CORIN: variants seen among roughly 807,000 people sequenced by gnomAD.
CORIN encodes the protein corin, serine peptidase.
Under a neutral mutation model 125.3 loss-of-function variants are expected in CORIN, and 117 were observed. The ratio of observed to expected loss-of-function variants is 0.93; its 90% CI spans 0.80 to 1.09. CORIN has a LOEUF of 1.09. CORIN is among the 50% of genes least tolerant of loss of function. CORIN has a pLI of 0.00. For synonymous variants in CORIN, 450 were observed against 466.4 expected, an observed-to-expected ratio of 0.96 and a Z score of 0.45; for missense variants, 1,253 against 1,306.7, an observed-to-expected ratio of 0.96 and a Z score of 0.63.
At chr4:47,627,282 C>T (rs1722618352) in intron 16 of CORIN, among the ~76,000 whole-genome samples, 1 of 152,120 alleles carries the variant, frequency 6.6e-6, no homozygotes, top group Admixed American at 6.6e-5. Context: ...GGCACCTGGC[C>T]TCATCTGATT....
At chr4:47,686,195 GT>G (rs1183014120) in intron 6 of CORIN, among the ~76,000 whole-genome samples, 1 of 151,320 alleles carries the variant, frequency 6.6e-6, no homozygotes, top group Non-Finnish European at 1.5e-5. Flanking sequence ...ACAACTTAAA[GT>G]TTTTAGAATC....
At chr4:47,617,171 A>G (rs1404132467) in intron 19 of CORIN, among the ~76,000 whole-genome samples, 4 of 152,226 alleles carry the variant, frequency 2.6e-5, no homozygotes, top group Non-Finnish European at 5.9e-5. Context: ...TCACAATCAG[A>G]GTAGAAAAGT....
chr4:47,698,702 A>G (rs1350740060), intron 5 of CORIN, among the ~76,000 whole-genome samples: 2 of 152,128 alleles, frequency 1.3e-5, no homozygotes, highest in Non-Finnish European at 2.9e-5. Context: ...GAGTCTATTT[A>G]TTGAGTAGCT....
At chr4:47,755,127 G>A (rs1304528745) in intron 4 of CORIN, among the ~76,000 whole-genome samples, 1 of 152,116 alleles carries the variant, frequency 6.6e-6, no homozygotes, top group East Asian at 1.9e-4. Context: ...GTTCTCATCA[G>A]TCAGTTTAAA....
At chr4:47,775,283 T>C (rs1307300044) in intron 3 of CORIN, among the ~76,000 whole-genome samples, 1 of 152,136 alleles carries the variant, frequency 6.6e-6, no homozygotes, top group East Asian at 1.9e-4. Context: ...GTTTTTTACC[T>C]ATGTATACAT....
intron 2 of CORIN, among the ~76,000 whole-genome samples, chr4:47,805,817 A>C (rs1731769434): frequency 1.3e-5 from 2 of 152,232 alleles, no homozygotes; most frequent in Non-Finnish European, 2.9e-5. Context: ...TAAGAAAATA[A>C]TAGGGAGGTT....
At chr4:47,824,522 A>G (rs139950651) in intron 1 of CORIN, among the ~76,000 whole-genome samples, 10 of 152,222 alleles carry the variant, frequency 6.6e-5, no homozygotes, top group Non-Finnish European at 1.0e-4. Context: ...GAGTCTCAGT[A>G]TGTTGCCCAG....
intron 4 of CORIN, among the ~76,000 whole-genome samples, chr4:47,746,283 T>A (rs1431810174): frequency 6.6e-6 from 1 of 152,224 alleles, no homozygotes; most frequent in Non-Finnish European, 1.5e-5. Context: ...TGCCAGGCAC[T>A]GTTCTTAGTA....
intron 15 of CORIN, 186 bp downstream of exon 15, chr4:47,642,960 C>T (rs1407383525): frequency 6.5e-7 from 1 of 1,535,752 alleles, no homozygotes; most frequent in Non-Finnish European, 8.7e-7. Flanking sequence ...AGAGAAGTAG[C>T]TTCGTGGGGA....
At chr4:47,613,918 C>T (rs1003802364) in intron 19 of CORIN, among the ~76,000 whole-genome samples, 1 of 151,496 alleles carries the variant, frequency 6.6e-6, no homozygotes, top group Non-Finnish European at 1.5e-5. Context: ...CGTAACTAAC[C>T]TGCACAATGT....
chr4:47,602,902 T>C (rs1721499607), intron 20 of CORIN, among the ~76,000 whole-genome samples: 1 of 152,120 alleles, frequency 6.6e-6, no homozygotes, highest in African/African-American at 2.4e-5. Flanking sequence ...GGTCTCATTC[T>C]GTTACCCAGG....
intron 8 of CORIN, among the ~76,000 whole-genome samples, chr4:47,678,993 A>G (rs974596310): frequency 6.6e-6 from 1 of 152,258 alleles, no homozygotes; most frequent in African/African-American, 2.4e-5. Flanking sequence ...TCTTATGTCA[A>G]AATAAAAACT....
At chr4:47,629,199 A>G (rs1722707854) in intron 16 of CORIN, among the ~76,000 whole-genome samples, 1 of 152,068 alleles carries the variant, frequency 6.6e-6, no homozygotes, top group African/African-American at 2.4e-5. Context: ...TCTCCCCAAC[A>G]TTTTTTATGT....
chr4:47,699,535 A>G (rs947355392), intron 5 of CORIN, among the ~76,000 whole-genome samples: 2 of 152,230 alleles, frequency 1.3e-5, no homozygotes, highest in African/African-American at 4.8e-5. Flanking sequence ...AAGGCATTTT[A>G]TCAGTTTTTC....
intron 5 of CORIN, among the ~76,000 whole-genome samples, chr4:47,735,422 T>G (rs1728081213): frequency 6.6e-6 from 1 of 152,208 alleles, no homozygotes; most frequent in Non-Finnish European, 1.5e-5. Flanking sequence ...TAAAAAAGAT[T>G]ATCTGACAAG....
chr4:47,643,352 A>T (rs1027222238), intron 14 of CORIN, 96 bp from the exon 15 acceptor site: 2 of 1,145,834 alleles, frequency 1.7e-6, no homozygotes, highest in African/African-American at 3.1e-5. Context: ...AGGAGCATGG[A>T]AAGAAGAAAA....
rs142713768 is a variant in CORIN, at chr4:47,730,692, C to T, written c.799+13710G>A. Among the ~76,000 whole-genome samples, 349 of 152,246 alleles carry T rather than the reference C, an allele frequency of 2.3e-3. 3 individuals are homozygous for T. The highest frequency in any genetic ancestry group is 0.014 in the Middle Eastern group (4 of 294). ...TGAGAGGGGAATCAGGGAACTCTCC[C>T]GTTTTACTATTCACATTGCTTTCTA... On this transcript the variant is annotated intron_variant, in intron 5 of 21. Transcript: ENST00000273857.
At chr4:47,614,388 G>T (rs538334536) in intron 19 of CORIN, among the ~76,000 whole-genome samples, 1 of 152,006 alleles carries the variant, frequency 6.6e-6, no homozygotes, top group African/African-American at 2.4e-5. Context: ...GTAGAGATGC[G>T]GTTTCACCAT....
intron 13 of CORIN, among the ~76,000 whole-genome samples, chr4:47,647,437 A>T (rs1723539076): frequency 6.6e-6 from 1 of 152,162 alleles, no homozygotes; most frequent in South Asian, 2.1e-4. Flanking sequence ...GAACTTCGAC[A>T]TTTGGAATGA....
Sources: gnomAD v4.1 joint callset for allele counts (sites outside exome capture counted in the v4.1 genomes callset) on GRCh38, gnomAD v4.1.1 for gene constraint, MANE v1.5 for transcripts, NCBI Gene and HGNC (gene_info 2026-07-23, HGNC 2026-07-21) for gene names.